The following CACNG1 variants were observed in gnomAD, a reference collection of about 807,000 sequenced individuals.
CACNG1 encodes voltage-dependent calcium channel gamma-1 subunit.
CACNG1 carries 21 observed loss-of-function variants against 22.0 expected under a neutral mutation model. The ratio of observed to expected loss-of-function variants is 0.95; its 90% confidence interval spans 0.68 to 1.37. The LOEUF is 1.37. Ranked by LOEUF, CACNG1 falls within the 40% of genes most tolerant of loss-of-function variation. CACNG1 has a pLI of 0.00. For missense variants in CACNG1, 291 were observed against 308.6 expected, an observed-to-expected ratio of 0.94 and a Z score of 0.43; for synonymous variants, 127 against 129.2, an observed-to-expected ratio of 0.98 and a Z score of 0.12.
chr17:67,049,738 A>G (rs1424542142), intron 1 of CACNG1, among the ~76,000 whole-genome samples: 1 of 152,168 alleles, frequency 6.6e-6, no homozygotes, highest in African/African-American at 2.4e-5. Context: ...GCATGAAAAC[A>G]CAGCTCCTAA....
rs1167227808 is a variant in CACNG1 at position 67,055,135 on chromosome 17, T to C, written c.337T>C (p.Phe113Leu). 1.9e-6 allele frequency: 3 copies of C among 1,614,202 alleles called. No individual in the cohort carries two copies. The highest frequency in any genetic ancestry group is 1.6e-4 in the Middle Eastern group (1 of 6,062). ...CATCTCGGCAGCCGCCATCGCCATC[T>C]TCAGCCTTGGCTTCATCATCCTGGG... ...YSISAAAIAI[F>L]SLGFIILGSL... Residue 113 changes from phenylalanine to leucine, a missense_variant, in exon 3 of 4, where the codon TTC (phenylalanine) becomes CTC (leucine). Transcript: ENST00000226021. The surrounding 1 kb of genome is among the most constrained non-coding windows in gnomAD (Gnocchi z 4.5).
At chr17:67,049,577 AT>A (rs2035716535) in intron 1 of CACNG1, among the ~76,000 whole-genome samples, 1 of 143,268 alleles carries the variant, frequency 7.0e-6, no homozygotes, top group East Asian at 2.1e-4. Flanking sequence ...GGTGGTTCTC[AT>A]TCTACAGGTG....
Position 67,054,136 on chromosome 17 carries a change from C to A in CACNG1, c.304+66C>A. The A allele has an allele frequency of 2.3e-6, 3 of 1,303,068 alleles. No individual in the cohort carries two copies. Among genetic ancestry groups the A allele is most frequent in the Non-Finnish European group, 2.2e-6 (2 of 897,300 alleles). The allele number at this position is 1,303,068 out of a possible 1,614,324, so 80.7% of individuals were successfully genotyped here. A position where few individuals can be genotyped will look rare whatever the true frequency, so the allele number is the denominator to read the frequency against. ...ACTTCTGTGTTGTGCACCACTGGGCCAGAAAGTCATTGGCAAAAGCACTGA... is the reference window on the plus strand; with the variant it reads ...ACTTCTGTGTTGTGCACCACTGGGCAAGAAAGTCATTGGCAAAAGCACTGA... On this transcript the variant is annotated intron_variant, in intron 2 of 3. Transcript: ENST00000226021. This position sits in a 1 kb window ranked among gnomAD's most constrained non-coding sequence, Gnocchi z 4.6.
chr17:67,054,606 GACAC>G lies in CACNG1; in HGVS notation c.305-492_305-489del, dbSNP rs1172559224. 6.6e-6 allele frequency among the ~76,000 whole-genome samples: 1 copy of G among 151,904 alleles called. No homozygotes were observed. Among genetic ancestry groups the G allele is most frequent in the Non-Finnish European group, 1.5e-5 (1 of 67,960 alleles). On this transcript the variant is annotated intron_variant, in intron 2 of 3. Coordinates refer to ENST00000226021, the MANE Select transcript of CACNG1 (RefSeq NM_000727.4). The surrounding 1 kb of genome is among the most constrained non-coding windows in gnomAD (Gnocchi z 4.6). ...CACAGGGTGAGTGGGCAGACACACA[GACAC>G]ACACTGACACACACAGACACACACA...
At position 67,055,171 on chromosome 17, in the gene CACNG1, G is replaced by A. The variant is rs147258815; in HGVS notation, c.373G>A (p.Val125Ile). 175 of 1,614,108 alleles carry A rather than the reference G, an allele frequency of 1.1e-4. No homozygotes were observed. Among genetic ancestry groups the A allele is most frequent in the Non-Finnish European group, 2.4e-5 (28 of 1,180,044 alleles). ...CTTCATCATCCTGGGCAGCCTCTGT[G>A]TCCTCCTGTCCCTCGGGAAGAAGAG... The part of the protein sequence containing the change: ...LGFIILGSLC[V>I]LLSLGKKRDY... The change falls in exon 3 of 4, where the codon GTC becomes ATC. Residue 125 changes from valine to isoleucine, a missense_variant. Coordinates refer to ENST00000226021, the MANE Select transcript of CACNG1 (RefSeq NM_000727.4). The surrounding 1 kb of genome is among the most constrained non-coding windows in gnomAD (Gnocchi z 4.5).
rs758809345 is a variant in CACNG1, at chr17:67,056,124, C to T, written c.522C>T (p.Ile174=). 7.4e-6 allele frequency: 12 copies of T among 1,613,600 alleles called. No homozygotes were observed. Among genetic ancestry groups the T allele is most frequent in the African/African-American group, 1.3e-5 (1 of 74,852 alleles). Residue 174 remains isoleucine (I), a synonymous_variant, in exon 4 of 4, where the codon ATC becomes ATT. Transcript: ENST00000226021. The surrounding 1 kb of genome is among the most constrained non-coding windows in gnomAD (Gnocchi z 4.3). ...RMIDSEDTVW[I]EYYYSWSFAC... is the part of the protein sequence containing the mutation. ...TTGACAGTGAGGACACCGTCTGGAT[C>T]GAGTACTATTACTCCTGGTCCTTTG...
intron 1 of CACNG1, among the ~76,000 whole-genome samples, chr17:67,048,647 T>C (rs756822973): frequency 3.3e-5 from 5 of 152,114 alleles, no homozygotes; most frequent in Non-Finnish European, 7.4e-5. Context: ...ATAGTAAATA[T>C]ATCCAAAGAA....
Position 67,055,109 on chromosome 17 carries a change from G to C in CACNG1, c.311G>C (p.Ser104Thr). ...IFEFTTQKEY[S>T]ISAAAIAIFS... is the part of the protein sequence containing the mutation. ...GTGTCCCTTGTGTTTGCAGAGTACA[G>C]CATCTCGGCAGCCGCCATCGCCATC... is the stretch of plus-strand genomic sequence containing the variant. The change falls in exon 3 of 4, where the codon AGC becomes ACC. Residue 104 changes from serine to threonine, a missense_variant. By Grantham distance (58) the Ser-to-Thr change is moderately conservative. Transcript: ENST00000226021. The surrounding 1 kb of genome is among the most constrained non-coding windows in gnomAD (Gnocchi z 4.5). 6.2e-7 allele frequency: 1 copy of C among 1,613,990 alleles called. No individual in the cohort carries two copies.
intron 1 of CACNG1, among the ~76,000 whole-genome samples, chr17:67,051,590 A>G (rs1229545363): frequency 1.3e-5 from 2 of 152,172 alleles, no homozygotes; most frequent in African/African-American, 4.8e-5. Context: ...AATCCTACCC[A>G]CTGGAGGCCC....
Position 67,052,936 on chromosome 17 carries a change from G to A in CACNG1, c.230-1060G>A, listed in dbSNP as rs116603665. Reference sequence around the variant, plus strand: ...ATTACAGGTGTGAGCCACCACGCCCGGCCTGTGCTTTGATTTTATAGTATA... The same window carrying A: ...ATTACAGGTGTGAGCCACCACGCCCAGCCTGTGCTTTGATTTTATAGTATA... On this transcript the variant is annotated intron_variant, in intron 1 of 3. Coordinates refer to ENST00000226021, the MANE Select transcript of CACNG1 (RefSeq NM_000727.4). Among the ~76,000 whole-genome samples, 926 of 152,042 alleles carry A rather than the reference G, an allele frequency of 6.1e-3. 14 individuals carry two copies. Among genetic ancestry groups the A allele is most frequent in the African/African-American group, 0.022 (900 of 41,466 alleles).
At chr17:67,053,646 G>A (rs2035740988) in intron 1 of CACNG1, among the ~76,000 whole-genome samples, 1 of 152,222 alleles carries the variant, frequency 6.6e-6, no homozygotes. Context: ...CTGCTGTTTG[G>A]TTCTTTGTTG....
chr17:67,053,238 T>G (rs1419727361), intron 1 of CACNG1, among the ~76,000 whole-genome samples: 1 of 152,180 alleles, frequency 6.6e-6, no homozygotes, highest in Non-Finnish European at 1.5e-5. Context: ...TCCATCTGCA[T>G]CCAGGCCATC....
Position 67,054,052 on chromosome 17 carries a change from G to A in CACNG1, c.286G>A (p.Glu96Lys), listed in dbSNP as rs760216442. The A allele has an allele frequency of 1.2e-5, 20 of 1,613,920 alleles. No individual in the cohort carries two copies. The highest frequency in any genetic ancestry group is 4.0e-5 in the African/African-American group (3 of 74,906). ...FNPGESSEIF[E>K]FTTQKEYSIS... Reference sequence around the variant, plus strand: ...CCCCGGCGAGAGCTCGGAGATCTTCGAATTCACCACTCAGAAGGGTGAGCC... The same window carrying A: ...CCCCGGCGAGAGCTCGGAGATCTTCAAATTCACCACTCAGAAGGGTGAGCC... The change falls in exon 2 of 4, where the codon GAA becomes AAA. Residue 96 changes from glutamate (E) to lysine (K), a missense_variant. By Grantham distance (56) the Glu-to-Lys change is moderately conservative. Transcript: ENST00000226021. This position sits in a 1 kb window ranked among gnomAD's most constrained non-coding sequence, Gnocchi z 4.6.
chr17:67,048,581 T>C (rs1294717065), intron 1 of CACNG1, among the ~76,000 whole-genome samples: 2 of 152,146 alleles, frequency 1.3e-5, no homozygotes, highest in Admixed American at 6.5e-5. Context: ...GAGAAGTCAA[T>C]AGATCTGTAA....
Position 67,054,961 on chromosome 17 carries a change from C to A in CACNG1, c.305-142C>A. The A allele has an allele frequency of 3.7e-6, 3 of 815,584 alleles. No individual in the cohort carries two copies. In the South Asian group the frequency reaches 5.7e-5, roughly 15 times the overall value. 50.5% of individuals were successfully genotyped at this position (815,584 alleles called of 1,614,324 possible). ...CATACAATGACACACACAAGACAGA[C>A]ACAGAGACACACACTTGACACACAC... On this transcript the variant is annotated intron_variant, in intron 2 of 3. Coordinates refer to ENST00000226021, the MANE Select transcript of CACNG1 (RefSeq NM_000727.4). The surrounding 1 kb of genome is among the most constrained non-coding windows in gnomAD (Gnocchi z 4.6).
chr17:67,052,025 C>T (rs1318445336), intron 1 of CACNG1, among the ~76,000 whole-genome samples: 2 of 152,164 alleles, frequency 1.3e-5, no homozygotes, highest in African/African-American at 4.8e-5. Flanking sequence ...GAAACAGAAA[C>T]AGAAATGTTT....
intron 1 of CACNG1, among the ~76,000 whole-genome samples, chr17:67,049,239 G>A (rs905037107): frequency 9.9e-5 from 15 of 152,150 alleles, no homozygotes; most frequent in African/African-American, 3.6e-4. Flanking sequence ...AATCTATGGA[G>A]GCCAGAAGGT....
intron 1 of CACNG1, among the ~76,000 whole-genome samples, chr17:67,048,864 T>G (rs988099618): frequency 6.6e-6 from 1 of 152,136 alleles, no homozygotes. Context: ...CAGTTGAGAT[T>G]AGCCAGTCTG....
intron 1 of CACNG1, among the ~76,000 whole-genome samples, chr17:67,048,079 C>T (rs951998330): frequency 9.2e-5 from 14 of 152,152 alleles, no homozygotes; most frequent in African/African-American, 3.4e-4. Flanking sequence ...AAAACACATA[C>T]TTTACCATCT....
Sources: gnomAD v4.1 joint callset for allele counts (sites outside exome capture counted in the v4.1 genomes callset) on GRCh38, gnomAD v4.1.1 for gene constraint, Gnocchi (gnomAD v3.1) non-coding constraint, MANE v1.5 for transcripts, NCBI Gene and HGNC (gene_info 2026-07-23, HGNC 2026-07-21) for gene names.